MPPED2: variants seen among roughly 807,000 people sequenced by gnomAD.
MPPED2 encodes metallophosphoesterase MPPED2.
In MPPED2, 5 loss-of-function variants were observed where a neutral mutation model predicts 33.0. The ratio of observed to expected loss-of-function variants is 0.15; its 90% CI spans 0.08 to 0.32. MPPED2 has a LOEUF of 0.32. Among genes scored for constraint, MPPED2 ranks in the 10% least tolerant of loss-of-function variants. MPPED2 has a pLI of 1.00. For synonymous variants in MPPED2, 136 were observed against 141.9 expected (o/e 0.96, Z 0.29); for missense variants, 275 against 372.1 (o/e 0.74, Z 2.15).
At chr11:30,498,262 G>GA (rs35946947) in intron 3 of MPPED2, among the ~76,000 whole-genome samples, 9 of 151,438 alleles carry the variant, frequency 5.9e-5, no homozygotes, top group Admixed American at 2.0e-4. Flanking sequence ...CTCTAACATG[G>GA]AAAAAAAATC....
exon 7 of MPPED2, chr11:30,386,959 G>A (rs1016258719): frequency 5.1e-6 from 2 of 391,396 alleles, no homozygotes; most frequent in African/African-American, 2.1e-5. Context: ...GTCCCGCAAA[G>A]TAAGCAATAC....
At chr11:30,509,961 T>G (rs1456271723) in intron 3 of MPPED2, among the ~76,000 whole-genome samples, 4 of 152,206 alleles carry the variant, frequency 2.6e-5, no homozygotes, top group Non-Finnish European at 5.9e-5. Context: ...ATGATTCACT[T>G]TGTAGATCAG....
At chr11:30,512,351 G>A (rs1218507753) in intron 3 of MPPED2, among the ~76,000 whole-genome samples, 1 of 152,104 alleles carries the variant, frequency 6.6e-6, no homozygotes, top group Non-Finnish European at 1.5e-5. Flanking sequence ...ATGACATTAG[G>A]AAGCCATGGC....
chr11:30,387,918 T>C (rs1022986880), exon 7 of MPPED2: 9 of 152,250 alleles, frequency 5.9e-5, no homozygotes, highest in Non-Finnish European at 1.3e-4. Context: ...CCTTGGCAGA[T>C]GCCTGACGAT....
At chr11:30,511,487 G>A (rs1026985647) in intron 3 of MPPED2, among the ~76,000 whole-genome samples, 1 of 152,178 alleles carries the variant, frequency 6.6e-6, no homozygotes, top group African/African-American at 2.4e-5. Context: ...GTCTTTGAGG[G>A]GGATAAGTCA....
At chr11:30,539,616 T>A (rs1954993590) in intron 2 of MPPED2, among the ~76,000 whole-genome samples, 1 of 152,126 alleles carries the variant, frequency 6.6e-6, no homozygotes. Context: ...TTGGTTGTTT[T>A]TTCTTTTGTT....
At chr11:30,573,428 T>A (rs1334419468) in intron 2 of MPPED2, among the ~76,000 whole-genome samples, 1 of 152,194 alleles carries the variant, frequency 6.6e-6, no homozygotes. Flanking sequence ...GTACTCCTTC[T>A]ACTTATTAAA....
rs1192562949 is a variant in MPPED2, at chr11:30,580,412, A to C, written c.-39T>G. 2 of 1,609,768 alleles carry C rather than the reference A, an allele frequency of 1.2e-6. No homozygotes were observed. Among genetic ancestry groups the C allele is most frequent in the African/African-American group, 2.7e-5 (2 of 74,980 alleles). On this transcript the variant is annotated 5_prime_UTR_variant, in exon 2 of 7. Transcript: ENST00000358117. ...AGGCATGAGCAATTCACAACTTTACAGAGCAAAAGATGGAAGCAGGCATGG... is the reference window on the plus strand; with the variant it reads ...AGGCATGAGCAATTCACAACTTTACCGAGCAAAAGATGGAAGCAGGCATGG...
intron 4 of MPPED2, among the ~76,000 whole-genome samples, chr11:30,486,903 A>T (rs1248153328): frequency 6.6e-6 from 1 of 152,106 alleles, no homozygotes; most frequent in African/African-American, 2.4e-5. Context: ...CTGATCTTGT[A>T]TTGGAAATAC....
intron 4 of MPPED2, among the ~76,000 whole-genome samples, chr11:30,484,955 G>T (rs1009811188): frequency 6.6e-6 from 1 of 151,462 alleles, no homozygotes; most frequent in Non-Finnish European, 1.5e-5. Context: ...TTCTACCATG[G>T]TAATACCACC....
At chr11:30,482,689 T>C (rs1565112012) in intron 4 of MPPED2, among the ~76,000 whole-genome samples, 1 of 152,192 alleles carries the variant, frequency 6.6e-6, no homozygotes, top group East Asian at 1.9e-4. Context: ...TCTGGCATAT[T>C]TGTATTCTGC....
chr11:30,495,206 C>T, intron 4 of MPPED2, 90 bp downstream of exon 4: 1 of 885,548 alleles, frequency 1.1e-6, no homozygotes. Context: ...TCATCCTAAT[C>T]ATTTTCATTT....
intron 6 of MPPED2, among the ~76,000 whole-genome samples, chr11:30,393,706 A>G (rs922949706): frequency 6.6e-6 from 1 of 152,218 alleles, no homozygotes; most frequent in Non-Finnish European, 1.5e-5. Flanking sequence ...AAGGACTCCC[A>G]GAGTTCTGGG....
intron 3 of MPPED2, chr11:30,504,662 TCTGACCTCAGTCTGTCC>T: frequency 1.4e-6 from 1 of 716,632 alleles, no homozygotes; most frequent in Non-Finnish European, 2.1e-6. Context: ...AAGCTCTGTC[TCTGACCTCAGTCTGTCC>T]CCCGTCAGGC....
chr11:30,496,098 C>T (rs1952237510), intron 3 of MPPED2, among the ~76,000 whole-genome samples: 1 of 152,080 alleles, frequency 6.6e-6, no homozygotes, highest in African/African-American at 2.4e-5. Context: ...AGTAAGGGCC[C>T]CCTGATTAGA....
chr11:30,474,743 T>C (rs368738458), intron 4 of MPPED2, among the ~76,000 whole-genome samples: 2 of 151,858 alleles, frequency 1.3e-5, no homozygotes, highest in African/African-American at 4.8e-5. Flanking sequence ...AATAATAACA[T>C]TGGTATCTGG....
chr11:30,392,143 A>T (rs1947786214), intron 6 of MPPED2, among the ~76,000 whole-genome samples: 2 of 152,246 alleles, frequency 1.3e-5, no homozygotes, highest in African/African-American at 4.8e-5. Context: ...TTGAGTTCAA[A>T]TAACAAATTC....
chr11:30,568,147 A>G (rs924516671), intron 2 of MPPED2, among the ~76,000 whole-genome samples: 1 of 152,202 alleles, frequency 6.6e-6, no homozygotes, highest in African/African-American at 2.4e-5. Context: ...ACTGGGCACT[A>G]AGCATTATCT....
intron 2 of MPPED2, among the ~76,000 whole-genome samples, chr11:30,546,341 C>A (rs995637326): frequency 1.3e-5 from 2 of 152,088 alleles, no homozygotes; most frequent in Non-Finnish European, 2.9e-5. Context: ...AACACACGAG[C>A]TTGTTTTTTT....
Sources: allele counts gnomAD v4.1 joint callset (sites outside exome capture counted in the v4.1 genomes callset), GRCh38; gene constraint gnomAD v4.1.1; transcripts MANE v1.5; gene names NCBI Gene and HGNC (gene_info 2026-07-23, HGNC 2026-07-21).